The following CELSR1 variants were observed in gnomAD, a reference collection of about 807,000 sequenced individuals.
CELSR1 encodes cadherin EGF LAG seven-pass G-type receptor 1.
CELSR1 carries 110 observed loss-of-function variants against 249.1 expected under a neutral mutation model. That is an observed-to-expected ratio of 0.44 (90% confidence interval 0.38 to 0.52). The LOEUF (loss-of-function observed/expected upper bound fraction) is 0.52. Among genes scored for constraint, CELSR1 ranks in the 20% least tolerant of loss-of-function variants. The probability of loss-of-function intolerance (pLI) is 0.00; values close to 1 mark genes in which losing one functional copy is unlikely to be tolerated. For missense variants in CELSR1, 4,109 were observed against 4,296.4 expected, an observed-to-expected ratio of 0.96 and a Z score of 1.22; for synonymous variants, 2,113 against 1,900.0, an observed-to-expected ratio of 1.11 and a Z score of -2.92.
chr22:46,430,374 G>A lies in CELSR1; in HGVS notation c.4611+3019C>T, dbSNP rs1486318685. 6.6e-6 allele frequency among the ~76,000 whole-genome samples: 1 copy of A among 152,194 alleles called. No homozygotes were observed. Among genetic ancestry groups the A allele is most frequent in the Non-Finnish European group, 1.5e-5 (1 of 68,036 alleles). ...TGGAGCGTGCTGGGGCAAGGACACA[G>A]CTGGGCGGGGCAGGGGGGATGACCG... On this transcript the variant is annotated intron_variant, in intron 5 of 34. Coordinates refer to ENST00000674500, the MANE Select transcript of CELSR1 (RefSeq NM_001378328.1). This position sits in a 1 kb window ranked among gnomAD's most constrained non-coding sequence, Gnocchi z 4.6.
chr22:46,398,105 T>A lies in CELSR1; in HGVS notation c.5527-257A>T, dbSNP rs373299742. Reference sequence around the variant, plus strand: ...GCGCGGTGGGGGCGTGAGGAGTGGATGTCCCTGCCGAGGGGGCTGAGAGCT... The same window carrying A: ...GCGCGGTGGGGGCGTGAGGAGTGGAAGTCCCTGCCGAGGGGGCTGAGAGCT... On this transcript the variant is annotated intron_variant, in intron 11 of 34. Coordinates refer to ENST00000674500, the MANE Select transcript of CELSR1 (RefSeq NM_001378328.1). The surrounding 1 kb of genome is among the most constrained non-coding windows in gnomAD (Gnocchi z 7.2). 2.0e-3 allele frequency among the ~76,000 whole-genome samples: 298 copies of A among 152,054 alleles called. 1 individual carries two copies. The highest frequency in any genetic ancestry group is 6.8e-3 in the African/African-American group (280 of 41,466).
At chr22:46,525,160 C>T (rs540704295) in intron 1 of CELSR1, among the ~76,000 whole-genome samples, 6 of 152,296 alleles carry the variant, frequency 3.9e-5, no homozygotes, top group Non-Finnish European at 7.3e-5. Context: ...TAAAGAGGGT[C>T]GTTTACGGCT....
chr22:46,494,060 A>G (rs1015443238), intron 1 of CELSR1, among the ~76,000 whole-genome samples: 3 of 152,212 alleles, frequency 2.0e-5, no homozygotes, highest in African/African-American at 7.2e-5. Context: ...CAGACACACA[A>G]TCTACCCTCG....
At chr22:46,511,051 T>C (rs1196407822) in intron 1 of CELSR1, among the ~76,000 whole-genome samples, 1 of 151,712 alleles carries the variant, frequency 6.6e-6, no homozygotes, top group Non-Finnish European at 1.5e-5. Context: ...GAGGCGGAGG[T>C]TGCAGTGAGC....
chr22:46,376,976 G>C (rs1359014645), intron 24 of CELSR1, 85 bp downstream of exon 24: 9 of 1,390,768 alleles, frequency 6.5e-6, no homozygotes, highest in Non-Finnish European at 9.9e-7. Context: ...AGCTAGCCAG[G>C]GTGCTTGGAG....
chr22:46,494,071 C>T (rs192055771), intron 1 of CELSR1, among the ~76,000 whole-genome samples: 5 of 152,270 alleles, frequency 3.3e-5, no homozygotes, highest in African/African-American at 4.8e-5. Flanking sequence ...TCTACCCTCG[C>T]GGAGGACAAT....
intron 9 of CELSR1, among the ~76,000 whole-genome samples, chr22:46,403,470 T>C (rs928747958): frequency 2.7e-5 from 4 of 150,916 alleles, no homozygotes; most frequent in African/African-American, 9.8e-5. Flanking sequence ...GGCAGGAGAA[T>C]GGCATGAACC....
intron 14 of CELSR1, among the ~76,000 whole-genome samples, chr22:46,392,395 T>G (rs773313012): frequency 6.6e-6 from 1 of 151,984 alleles, no homozygotes; most frequent in Non-Finnish European, 1.5e-5. Flanking sequence ...GGCAGACTCG[T>G]GAGCAACGTT....
rs1181313170 is a variant in CELSR1, at chr22:46,537,064, G to C, written c.107C>G (p.Pro36Arg). 1 of 1,068,782 alleles carries C rather than the reference G, an allele frequency of 9.4e-7. No individual in the cohort carries two copies. The highest frequency in any genetic ancestry group is 7.5e-5 in the East Asian group (1 of 13,396). The allele number at this position is 1,068,782 out of a possible 1,614,324, so 66.2% of individuals were successfully genotyped here. ...GAGGGCGAAGGCGCGGGTCCCGCCGGGTACGCGCGGCTCCCAGGCGGCCGC... is the reference window on the plus strand; with the variant it reads ...GAGGGCGAAGGCGCGGGTCCCGCCGCGTACGCGCGGCTCCCAGGCGGCCGC... Reference protein sequence around the residue: ...LRAAAWEPRVPGGTRAFALRP... With the variant: ...LRAAAWEPRVRGGTRAFALRP... The change falls in exon 1 of 35, where the codon CCC (proline) becomes CGC (arginine). Residue 36 changes from proline (P) to arginine (R), a missense_variant. Around this residue, in one of 7 missense-constraint regions of CELSR1, gnomAD observed 673 missense variants for 636.8 expected, o/e 1.06. Coordinates refer to ENST00000674500, the MANE Select transcript of CELSR1 (RefSeq NM_001378328.1). This position sits in a 1 kb window ranked among gnomAD's most constrained non-coding sequence, Gnocchi z 5.8.
rs934729915 is a variant in CELSR1 at position 46,362,855 on chromosome 22, G to A, written c.*368C>T. On this transcript the variant is annotated 3_prime_UTR_variant, in exon 35 of 35. Transcript: ENST00000674500. ...GGACCGCGGTCTTTGGTCTGTGCCC[G>A]GCGTTCCTGAACTCTGGCCAGCCTC... 12 of 394,822 alleles carry A rather than the reference G, an allele frequency of 3.0e-5. No homozygotes were observed. The highest frequency in any genetic ancestry group is 1.2e-4 in the East Asian group (3 of 24,846). The allele number at this position is 394,822 out of a possible 1,614,324, so 24.5% of individuals were successfully genotyped here.
chr22:46,374,185 A>T lies in CELSR1; in HGVS notation c.7585-1128T>A, dbSNP rs1295218716. On this transcript the variant is annotated intron_variant, in intron 24 of 34. Transcript: ENST00000674500. The surrounding 1 kb of genome is among the most constrained non-coding windows in gnomAD (Gnocchi z 4.3). Reference sequence around the variant, plus strand: ...CGCGAGCGTGTGGCTGGAGAACTCTACACCAAACACCCTGGTTTCCTGAGT... The same window carrying T: ...CGCGAGCGTGTGGCTGGAGAACTCTTCACCAAACACCCTGGTTTCCTGAGT... 2.0e-5 allele frequency among the ~76,000 whole-genome samples: 3 copies of T among 152,202 alleles called. No homozygotes were observed. The highest frequency in any genetic ancestry group is 4.4e-5 in the Non-Finnish European group (3 of 68,034).
rs1214742281 is a variant in CELSR1 at position 46,484,464 on chromosome 22, G to C, written c.3545-20119C>G. ...CTCAGGGGCCCTGAAATCCCTTCCA[G>C]AATAATTTCACAGAGACCTCTTTTG... On this transcript the variant is annotated intron_variant, in intron 1 of 34. Transcript: ENST00000674500. This position sits in a 1 kb window ranked among gnomAD's most constrained non-coding sequence, Gnocchi z 4.5. Among the ~76,000 whole-genome samples, 1 of 151,952 alleles carries C rather than the reference G, an allele frequency of 6.6e-6. No individual in the cohort carries two copies. Among genetic ancestry groups the C allele is most frequent in the Non-Finnish European group, 1.5e-5 (1 of 68,002 alleles).
intron 5 of CELSR1, among the ~76,000 whole-genome samples, chr22:46,432,970 T>TA (rs780708547): frequency 1.3e-5 from 2 of 151,508 alleles, no homozygotes; most frequent in African/African-American, 2.4e-5. Context: ...ATAGCACATT[T>TA]AAAAAAAAAT....
chr22:46,415,860 A>G (rs910325044), intron 5 of CELSR1, among the ~76,000 whole-genome samples: 2 of 152,222 alleles, frequency 1.3e-5, no homozygotes, highest in Non-Finnish European at 2.9e-5. Flanking sequence ...TTGAATAGGG[A>G]TAAGTGAAAA....
chr22:46,501,160 G>A (rs965517803), intron 1 of CELSR1, among the ~76,000 whole-genome samples: 3 of 149,038 alleles, frequency 2.0e-5, no homozygotes, highest in African/African-American at 5.0e-5. Flanking sequence ...CAGCCTCCCA[G>A]TAACTGGGCT....
At chr22:46,456,533 G>T (rs149971930) in intron 2 of CELSR1, among the ~76,000 whole-genome samples, 11,158 of 151,760 alleles carry the variant, frequency 0.074, 406 homozygotes, top group South Asian at 0.14. Context: ...CGTGGTGGTG[G>T]GCACCTGTAG....
rs2079325028 is a variant in CELSR1, at chr22:46,410,753, C to T, written c.4770-192G>A. Among the ~76,000 whole-genome samples the T allele has an allele frequency of 6.6e-6, 1 of 151,984 alleles. No homozygotes were observed. Among genetic ancestry groups the T allele is most frequent in the South Asian group, 2.1e-4 (1 of 4,798 alleles). On this transcript the variant is annotated intron_variant, in intron 6 of 34. Coordinates refer to ENST00000674500, the MANE Select transcript of CELSR1 (RefSeq NM_001378328.1). This position sits in a 1 kb window ranked among gnomAD's most constrained non-coding sequence, Gnocchi z 6.8. ...CCGCCACTGCCTCCGTTTGCTCACACTTGTGTTCAGTCCTGACGATCTGGG... is the reference window on the plus strand; with the variant it reads ...CCGCCACTGCCTCCGTTTGCTCACATTTGTGTTCAGTCCTGACGATCTGGG...
chr22:46,384,810 G>T, intron 19 of CELSR1, 124 bp from the exon 20 acceptor site: 1 of 1,112,828 alleles, frequency 9.0e-7, no homozygotes, highest in Non-Finnish European at 1.2e-6. Flanking sequence ...TTATTTTTGA[G>T]GTGGAGTCTC....
rs1019054127 is a variant in CELSR1 at position 46,468,556 on chromosome 22, C to T, written c.3545-4211G>A. 2.6e-5 allele frequency among the ~76,000 whole-genome samples: 4 copies of T among 151,990 alleles called. No individual in the cohort carries two copies. Among genetic ancestry groups the T allele is most frequent in the African/African-American group, 7.3e-5 (3 of 41,368 alleles). ...CTTACAGGAGGTCCCTAGAGGAGTT[C>T]GATTCATAGAGGCAGAAAGTAGAAT... On this transcript the variant is annotated intron_variant, in intron 1 of 34. Transcript: ENST00000674500. The surrounding 1 kb of genome is among the most constrained non-coding windows in gnomAD (Gnocchi z 4.5).
Sources: gnomAD v4.1 joint callset for allele counts (sites outside exome capture counted in the v4.1 genomes callset) on GRCh38, gnomAD v4.1.1 for gene constraint, gnomAD v4.1.1 regional missense constraint, Gnocchi (gnomAD v3.1) non-coding constraint, MANE v1.5 for transcripts, NCBI Gene and HGNC (gene_info 2026-07-23, HGNC 2026-07-21) for gene names.